The following NKAIN2 variants were observed in gnomAD, a reference collection of about 807,000 sequenced individuals.
NKAIN2 encodes sodium/potassium transporting ATPase interacting 2.
A neutral mutation model predicts 32.6 loss-of-function variants in NKAIN2; 14 were observed. The ratio of observed to expected loss-of-function variants is 0.43; its 90% CI spans 0.28 to 0.67. NKAIN2 has a LOEUF of 0.67. Among genes scored for constraint, NKAIN2 ranks in the 30% least tolerant of loss-of-function variants. NKAIN2 has a pLI of 0.17. For synonymous variants in NKAIN2, 80 were observed against 87.2 expected, an observed-to-expected ratio of 0.92 and a Z score of 0.46; for missense variants, 198 against 258.3, an observed-to-expected ratio of 0.77 and a Z score of 1.60.
chr6:124,355,861 T>C (rs1186762236), intron 3 of NKAIN2, among the ~76,000 whole-genome samples: 2 of 152,206 alleles, frequency 1.3e-5, no homozygotes, highest in African/African-American at 4.8e-5. Flanking sequence ...CTTGCTTTTT[T>C]CATTTAGTTT....
intron 1 of NKAIN2, among the ~76,000 whole-genome samples, chr6:123,910,499 G>GTTT (rs35165515): frequency 0.032 from 2,560 of 81,082 alleles, 149 homozygotes; most frequent in African/African-American, 0.052. Flanking sequence ...TGCAATGCAT[G>GTTT]TTTTTTTTTT....
intron 2 of NKAIN2, among the ~76,000 whole-genome samples, chr6:124,308,146 C>A (rs999905271): frequency 1.3e-5 from 2 of 151,962 alleles, no homozygotes; most frequent in African/African-American, 4.8e-5. Flanking sequence ...CCCTTTGCCC[C>A]CCACCCCGCA....
At chr6:124,494,973 A>G (rs917489109) in intron 3 of NKAIN2, among the ~76,000 whole-genome samples, 2 of 152,156 alleles carry the variant, frequency 1.3e-5, no homozygotes, top group African/African-American at 4.8e-5. Flanking sequence ...AATTTTCTCT[A>G]TAATTGCAAT....
At chr6:124,794,278 C>A (rs1351758416) in intron 5 of NKAIN2, among the ~76,000 whole-genome samples, 2 of 152,036 alleles carry the variant, frequency 1.3e-5, no homozygotes, top group African/African-American at 4.8e-5. Flanking sequence ...AACCCCTGCC[C>A]CTCTCCGACC....
intron 3 of NKAIN2, among the ~76,000 whole-genome samples, chr6:124,405,668 C>A (rs1438964559): frequency 6.6e-6 from 1 of 151,924 alleles, no homozygotes; most frequent in Non-Finnish European, 1.5e-5. Context: ...GCGTGAGCCA[C>A]CGCACCCGGC....
chr6:124,721,182 C>T (rs113252992), intron 4 of NKAIN2, among the ~76,000 whole-genome samples: 20 of 152,004 alleles, frequency 1.3e-4, no homozygotes, highest in Non-Finnish European at 1.5e-5. Context: ...TTTGGGAGGC[C>T]GAGGCGGGAG....
intron 1 of NKAIN2, among the ~76,000 whole-genome samples, chr6:124,282,498 G>A (rs1795343846): frequency 6.6e-6 from 1 of 152,168 alleles, no homozygotes; most frequent in East Asian, 1.9e-4. Flanking sequence ...GTAGGCCACT[G>A]CGGCTACTTA....
intron 3 of NKAIN2, among the ~76,000 whole-genome samples, chr6:124,595,938 G>A (rs1583492540): frequency 6.6e-6 from 1 of 152,118 alleles, no homozygotes; most frequent in Non-Finnish European, 1.5e-5. Flanking sequence ...TGGGGAGCAC[G>A]GGTAGGGGAT....
chr6:124,789,525 A>G (rs1158276008), intron 4 of NKAIN2, among the ~76,000 whole-genome samples: 1 of 151,994 alleles, frequency 6.6e-6, no homozygotes, highest in Admixed American at 6.6e-5. Flanking sequence ...CTCACTCCAT[A>G]AAAAGAGCAT....
chr6:124,366,752 C>A (rs1163129331), intron 3 of NKAIN2, among the ~76,000 whole-genome samples: 12 of 151,666 alleles, frequency 7.9e-5, no homozygotes, highest in Admixed American at 7.9e-4. Context: ...CATGGTGAAA[C>A]CCCATCGCTA....
At chr6:124,456,043 CA>C (rs975487049) in intron 3 of NKAIN2, among the ~76,000 whole-genome samples, 18 of 151,878 alleles carry the variant, frequency 1.2e-4, no homozygotes, top group East Asian at 1.2e-3. Context: ...TTGTAAGTGA[CA>C]TTTTTTTTTC....
chr6:124,794,929 A>G (rs1779932944), intron 5 of NKAIN2: 2 of 621,850 alleles, frequency 3.2e-6, no homozygotes, highest in Non-Finnish European at 4.0e-6. Context: ...ATTACAAAAA[A>G]TTATCCTGAT....
At chr6:124,217,557 T>G (rs903014107) in intron 1 of NKAIN2, among the ~76,000 whole-genome samples, 4 of 152,106 alleles carry the variant, frequency 2.6e-5, no homozygotes, top group Non-Finnish European at 4.4e-5. Context: ...CATTTCTTTA[T>G]GTCTATTTTT....
chr6:124,325,179 C>T (rs1797362305), intron 2 of NKAIN2, among the ~76,000 whole-genome samples: 1 of 152,044 alleles, frequency 6.6e-6, no homozygotes, highest in Non-Finnish European at 1.5e-5. Context: ...AATTTTCAGG[C>T]TCAGACAATT....
intron 2 of NKAIN2, among the ~76,000 whole-genome samples, chr6:124,299,783 G>T (rs1276933583): frequency 6.6e-6 from 1 of 152,152 alleles, no homozygotes; most frequent in Non-Finnish European, 1.5e-5. Context: ...ATTGTTCACT[G>T]AATGTTGCCT....
chr6:124,330,905 C>T (rs34432872), intron 2 of NKAIN2, among the ~76,000 whole-genome samples: 50,618 of 151,892 alleles, frequency 0.33, 9,487 homozygotes, highest in South Asian at 0.46. Flanking sequence ...ATCTAGGTTG[C>T]GTGCTCCTTA....
intron 4 of NKAIN2, among the ~76,000 whole-genome samples, chr6:124,755,984 C>T (rs1777948622): frequency 6.6e-6 from 1 of 151,992 alleles, no homozygotes; most frequent in Non-Finnish European, 1.5e-5. Context: ...ATTTTCATGC[C>T]TAGTACCTAA....
intron 3 of NKAIN2, among the ~76,000 whole-genome samples, chr6:124,510,431 C>A (rs761597377): frequency 6.6e-6 from 1 of 152,072 alleles, no homozygotes; most frequent in Non-Finnish European, 1.5e-5. Context: ...CATATATGTT[C>A]GATCAAGAGG....
chr6:123,939,079 A>G (rs1228546633), intron 1 of NKAIN2, among the ~76,000 whole-genome samples: 1 of 151,982 alleles, frequency 6.6e-6, no homozygotes, highest in East Asian at 1.9e-4. Context: ...TAGAAGTATA[A>G]GTAAAAGGAT....
Sources: allele counts gnomAD v4.1 joint callset (sites outside exome capture counted in the v4.1 genomes callset), GRCh38; gene constraint gnomAD v4.1.1; transcripts MANE v1.5; gene names NCBI Gene and HGNC (gene_info 2026-07-23, HGNC 2026-07-21).